CAPRIN1: variants seen among roughly 807,000 people sequenced by gnomAD.
The protein encoded by CAPRIN1 is cell cycle associated protein 1.
A neutral mutation model predicts 100.9 loss-of-function variants in CAPRIN1; 29 were observed. The observed-to-expected ratio is 0.29, with a 90% CI of 0.21 to 0.39. The LOEUF is 0.39. CAPRIN1 is among the 10% of genes least tolerant of loss of function. The pLI, the probability that CAPRIN1 is intolerant of heterozygous loss-of-function variation, is 1.00. For synonymous variants in CAPRIN1, 338 were observed against 307.5 expected (o/e 1.10, Z -1.04); for missense variants, 795 against 876.7 (o/e 0.91, Z 1.18).
intron 7 of CAPRIN1, among the ~76,000 whole-genome samples, chr11:34,081,251 A>G (rs1851022591): frequency 1.3e-5 from 2 of 149,886 alleles, no homozygotes. Flanking sequence ...CTCAGGCTGG[A>G]GTGCAGTGGT....
chr11:34,087,515 A>G (rs1177318021), intron 11 of CAPRIN1, among the ~76,000 whole-genome samples: 1 of 135,262 alleles, frequency 7.4e-6, no homozygotes, highest in Non-Finnish European at 1.6e-5. Flanking sequence ...TTGTATTTTT[A>G]GTAGAGACGG....
chr11:34,069,645 CAG>C (rs947268432), intron 2 of CAPRIN1, among the ~76,000 whole-genome samples: 3 of 150,160 alleles, frequency 2.0e-5, no homozygotes, highest in African/African-American at 7.4e-5. Context: ...TCTGTCATAT[CAG>C]TGTAAAAAAA....
In CAPRIN1 at chr11:34,102,118, C is replaced by G. The variant is rs535811008; in HGVS notation, c.*2751C>G. Among the ~76,000 whole-genome samples the G allele has an allele frequency of 9.2e-5, 14 of 152,124 alleles. No homozygotes were observed. In the South Asian group the frequency reaches 2.9e-3, roughly 32 times the overall value. On this transcript the variant is annotated 3_prime_UTR_variant, in exon 19 of 19. Transcript: ENST00000341394. ...TTCTAATCAGTTAGCTTCTACAGTT[C>G]TTTTGTCTCCTTTTATATGCAGCTC...
intron 12 of CAPRIN1, 27 bp from the exon 13 acceptor site, chr11:34,090,152 A>T (rs1851234361): frequency 3.5e-6 from 5 of 1,447,696 alleles, no homozygotes; most frequent in Non-Finnish European, 4.8e-6. Context: ...AGCAGGAAGA[A>T]GCTTTTATTT....
chr11:34,069,153 T>G (rs1346859952), intron 2 of CAPRIN1, among the ~76,000 whole-genome samples: 4 of 147,114 alleles, frequency 2.7e-5, no homozygotes, highest in South Asian at 2.1e-4. Context: ...CTTATTTAGT[T>G]TTTTTTTTTT....
In CAPRIN1 at chr11:34,089,370, A is replaced by C. The variant is rs769858184; in HGVS notation, c.1232-25A>C. 4 of 1,521,282 alleles carry C rather than the reference A, an allele frequency of 2.6e-6. No homozygotes were observed. In the South Asian group the frequency reaches 4.6e-5, roughly 18 times the overall value. The allele number at this position is 1,521,282 out of a possible 1,614,324, so 94.2% of individuals were successfully genotyped here. Reference sequence around the variant, plus strand: ...CTCTAAAAATTTAATTTTGTTTGACAAAAATGTTTTGGTCACCTTTGCAGT... The same window carrying C: ...CTCTAAAAATTTAATTTTGTTTGACCAAAATGTTTTGGTCACCTTTGCAGT... On this transcript the variant is annotated intron_variant, in intron 11 of 18. Coordinates refer to ENST00000341394, the MANE Select transcript of CAPRIN1 (RefSeq NM_005898.5).
intron 15 of CAPRIN1, among the ~76,000 whole-genome samples, chr11:34,093,785 G>A (rs1329518739): frequency 4.8e-5 from 3 of 62,608 alleles, no homozygotes; most frequent in Non-Finnish European, 7.4e-5. Flanking sequence ...CACCATGCCT[G>A]GCTAATTTTT....
In CAPRIN1 at chr11:34,101,300, T is replaced by C. The variant is rs557263663; in HGVS notation, c.*1933T>C. On this transcript the variant is annotated 3_prime_UTR_variant, in exon 19 of 19. Coordinates refer to ENST00000341394, the MANE Select transcript of CAPRIN1 (RefSeq NM_005898.5). ...CCACAACCATATGTTACCTGTATCTTAGGGGAATGGATAAAATATTTGTGG... is the reference window on the plus strand; with the variant it reads ...CCACAACCATATGTTACCTGTATCTCAGGGGAATGGATAAAATATTTGTGG... 4.1e-4 allele frequency: 63 copies of C among 152,280 alleles called. No individual in the cohort carries two copies. Among genetic ancestry groups the C allele is most frequent in the African/African-American group, 1.5e-3 (63 of 41,570 alleles). The allele number at this position is 152,280 out of a possible 1,614,324, so 9.4% of individuals were successfully genotyped here.
chr11:34,052,343 G>T (rs1359574261), intron 1 of CAPRIN1, 78 bp from the exon 2 acceptor site: 2 of 1,184,208 alleles, frequency 1.7e-6, no homozygotes, highest in Admixed American at 2.2e-5. Flanking sequence ...TTTGTCCCGC[G>T]TCTCGCCCCG....
rs1269002459 is a variant in CAPRIN1, at chr11:34,052,721, C to T, written c.216+85C>T. ...ACCCTGGTCGCTGGAGCCTTCGCTT[C>T]TTTTCGTCTCGGGAGCGTTACTAGG... On this transcript the variant is annotated intron_variant, in intron 2 of 18. Coordinates refer to ENST00000341394, the MANE Select transcript of CAPRIN1 (RefSeq NM_005898.5). 6.1e-6 allele frequency: 9 copies of T among 1,467,458 alleles called. No individual in the cohort carries two copies. In the South Asian group the frequency reaches 7.4e-5, roughly 12 times the overall value. The allele number at this position is 1,467,458 out of a possible 1,614,324, so 90.9% of individuals were successfully genotyped here. A position where few individuals can be genotyped will look rare whatever the true frequency, so the allele number is the denominator to read the frequency against.
chr11:34,069,673 A>G (rs867662155), intron 2 of CAPRIN1, among the ~76,000 whole-genome samples: 3 of 151,930 alleles, frequency 2.0e-5, no homozygotes, highest in African/African-American at 7.3e-5. Flanking sequence ...TTTTCCCTCA[A>G]ATCAGTAGAC....
chr11:34,083,964 G>T (rs933871962), intron 9 of CAPRIN1, among the ~76,000 whole-genome samples: 1 of 152,136 alleles, frequency 6.6e-6, no homozygotes, highest in Non-Finnish European at 1.5e-5. Context: ...AGCTACTTGG[G>T]AGGCTGAGGT....
chr11:34,069,948 T>C (rs564297061), intron 2 of CAPRIN1, among the ~76,000 whole-genome samples: 2 of 152,016 alleles, frequency 1.3e-5, no homozygotes, highest in African/African-American at 2.4e-5. Context: ...CTTATTACCA[T>C]TGCTTTTAAA....
rs1850317175 is a variant in CAPRIN1, at chr11:34,052,027, C to CCCGACCTCTCTCTTTCCTCG, written c.-1+175_-1+176insGCCGACCTCTCTCTTTCCTC. The CCCGACCTCTCTCTTTCCTCG allele has an allele frequency of 6.6e-5, 10 of 151,784 alleles. No homozygotes were observed. In the South Asian group the frequency reaches 2.1e-3, roughly 32 times the overall value. 9.4% of individuals were successfully genotyped at this position (151,784 alleles called of 1,614,324 possible). On this transcript the variant is annotated intron_variant, in intron 1 of 18. Transcript: ENST00000341394. ...CCCATGCCCTTCTCTGCCCCCAAGC[C>CCCGACCTCTCTCTTTCCTCG]CCGACCTCTCTCTTTCCTCCCTTCT...
chr11:34,072,493 C>T (rs577510772), intron 4 of CAPRIN1, among the ~76,000 whole-genome samples: 1 of 151,960 alleles, frequency 6.6e-6, no homozygotes, highest in Non-Finnish European at 1.5e-5. Flanking sequence ...TTATCATGTT[C>T]CTTATGTCTA....
chr11:34,053,200 C>T, intron 2 of CAPRIN1: 1 of 973,138 alleles, frequency 1.0e-6, no homozygotes, highest in Middle Eastern at 5.3e-4. Flanking sequence ...AACTGCCTTT[C>T]CGGCAGGCCC....
rs767288268 is a variant in CAPRIN1, at chr11:34,052,562, G to C, written c.142G>C (p.Ala48Pro). 1 of 1,610,144 alleles carries C rather than the reference G, an allele frequency of 6.2e-7. No individual in the cohort carries two copies. The highest frequency in any genetic ancestry group is 8.5e-7 in the Non-Finnish European group (1 of 1,178,838). The part of the protein sequence containing the change: ...ASQHPATGTG[A>P]VQTEAMKQIL... The stretch of plus-strand genomic sequence containing the variant: ...TCAGCACCCCGCAACCGGCACCGGC[G>C]CTGTCCAGACCGAGGCCATGAAGCA... The change falls in exon 2 of 19, where the codon GCT becomes CCT. Residue 48 changes from alanine (A) to proline (P), a missense_variant. By Grantham distance (27) the Ala-to-Pro change is conservative. This residue lies in a region of CAPRIN1 where 109 missense variants were observed against 86.6 expected (regional missense o/e 1.26). Transcript: ENST00000341394.
chr11:34,078,199 C>T (rs1026070513), intron 6 of CAPRIN1, among the ~76,000 whole-genome samples: 4 of 152,024 alleles, frequency 2.6e-5, no homozygotes, highest in Non-Finnish European at 4.4e-5. Context: ...AGCCAGGAGC[C>T]GCTGAAGTGA....
chr11:34,094,361 T>C (rs888882934), intron 15 of CAPRIN1, among the ~76,000 whole-genome samples: 2 of 151,994 alleles, frequency 1.3e-5, no homozygotes, highest in Admixed American at 1.3e-4. Flanking sequence ...CGGCCTGATA[T>C]TTGTTGAAGA....
Sources: allele counts gnomAD v4.1 joint callset (sites outside exome capture counted in the v4.1 genomes callset), GRCh38; gene constraint gnomAD v4.1.1; regional missense constraint gnomAD v4.1.1; transcripts MANE v1.5; gene names NCBI Gene and HGNC (gene_info 2026-07-23, HGNC 2026-07-21).